Variants in RAP1A observed in about 807,000 individuals in gnomAD.
The protein encoded by RAP1A is ras-related protein Rap-1A.
A neutral mutation model predicts 26.4 loss-of-function variants in RAP1A; 6 were observed. The observed-to-expected ratio is 0.23, with a 90% CI of 0.12 to 0.45. RAP1A has a LOEUF of 0.45. Ranked by LOEUF, RAP1A falls within the 20% of genes least tolerant of loss-of-function variation. The pLI is 0.99. For synonymous variants in RAP1A, 73 were observed against 79.4 expected (o/e 0.92, Z 0.43); for missense variants, 121 against 217.2 (o/e 0.56, Z 2.78).
chr1:111,681,112 C>T (rs986633032), intron 1 of RAP1A, among the ~76,000 whole-genome samples: 1 of 152,050 alleles, frequency 6.6e-6, no homozygotes, highest in Non-Finnish European at 1.5e-5. Context: ...AGGTGTGGTG[C>T]ATTTATAATG....
chr1:111,681,580 C>A (rs1405541613), intron 1 of RAP1A, among the ~76,000 whole-genome samples: 1 of 151,972 alleles, frequency 6.6e-6, no homozygotes, highest in Non-Finnish European at 1.5e-5. Context: ...CTGAATTGAT[C>A]AAGTGGAAGA....
At chr1:111,643,590 G>A (rs1659961078) in intron 1 of RAP1A, among the ~76,000 whole-genome samples, 1 of 152,182 alleles carries the variant, frequency 6.6e-6, no homozygotes, top group South Asian at 2.1e-4. Flanking sequence ...TTGGTTGCAA[G>A]CAACAGAACC....
intron 1 of RAP1A, among the ~76,000 whole-genome samples, chr1:111,612,899 T>C (rs546787012): frequency 6.6e-6 from 1 of 152,296 alleles, no homozygotes; most frequent in South Asian, 2.1e-4. Context: ...AAGAGTATTG[T>C]CCATGCATTC....
At position 111,657,148 on chromosome 1, in the gene RAP1A, C is replaced by T. The variant is rs540882379; in HGVS notation, c.-27-34186C>T. ...CATCAAAGAACACATCAAGGTTGAG[C>T]GTCCAAAATCCATATCCATAATCCA... On this transcript the variant is annotated intron_variant, in intron 1 of 7. Transcript: ENST00000369709. Among the ~76,000 whole-genome samples the T allele has an allele frequency of 7.2e-5, 11 of 152,210 alleles. No homozygotes were observed. In the East Asian group the frequency reaches 7.7e-4, roughly 11 times the overall value.
chr1:111,618,514 A>T (rs1373514178), upstream of RAP1A, among the ~76,000 whole-genome samples: 1 of 152,188 alleles, frequency 6.6e-6, no homozygotes, highest in South Asian at 2.1e-4. Flanking sequence ...TCCCCATGTG[A>T]TCCTAACTAG....
chr1:111,676,219 G>A (rs1176521753), intron 1 of RAP1A, among the ~76,000 whole-genome samples: 1 of 152,148 alleles, frequency 6.6e-6, no homozygotes, highest in Non-Finnish European at 1.5e-5. Context: ...AGCCAGGCAT[G>A]GTGGTGGGCG....
chr1:111,573,370 C>T (rs904461224), intron 1 of RAP1A, among the ~76,000 whole-genome samples: 2 of 152,132 alleles, frequency 1.3e-5, no homozygotes, highest in Admixed American at 6.5e-5. Context: ...TATAAGGATT[C>T]CCTTTTCTGT....
chr1:111,691,697 A>G (rs1661676582), intron 2 of RAP1A, among the ~76,000 whole-genome samples: 2 of 152,218 alleles, frequency 1.3e-5, no homozygotes, highest in Admixed American at 1.3e-4. Context: ...TCTCTTTTTA[A>G]GGAATTTACA....
intron 1 of RAP1A, among the ~76,000 whole-genome samples, chr1:111,647,514 T>C (rs1448436986): frequency 6.6e-6 from 1 of 152,106 alleles, no homozygotes; most frequent in Non-Finnish European, 1.5e-5. Flanking sequence ...GCCAAAAAGG[T>C]TGGGGATCGC....
chr1:111,672,686 A>C (rs1006249114), intron 1 of RAP1A, among the ~76,000 whole-genome samples: 2 of 152,228 alleles, frequency 1.3e-5, no homozygotes, highest in African/African-American at 4.8e-5. Flanking sequence ...AACCTAGCTT[A>C]AGAATTCAGA....
intron 4 of RAP1A, among the ~76,000 whole-genome samples, chr1:111,699,043 G>T (rs929972019): frequency 1.3e-5 from 2 of 151,510 alleles, no homozygotes; most frequent in African/African-American, 4.9e-5. Context: ...TTTACTTTGT[G>T]CTATCCAATA....
chr1:111,556,122 G>A (rs748187844), intron 1 of RAP1A, among the ~76,000 whole-genome samples: 3 of 152,042 alleles, frequency 2.0e-5, no homozygotes, highest in Non-Finnish European at 4.4e-5. Context: ...TTCAGTAAAC[G>A]TTTCTCCAAA....
intron 1 of RAP1A, among the ~76,000 whole-genome samples, chr1:111,657,471 A>G (rs945517081): frequency 3.9e-5 from 6 of 152,106 alleles, no homozygotes; most frequent in South Asian, 2.1e-4. Flanking sequence ...CTGTAGTCCA[A>G]TTTATCTATT....
At chr1:111,688,931 C>T (rs1285572052) in intron 1 of RAP1A, among the ~76,000 whole-genome samples, 1 of 151,022 alleles carries the variant, frequency 6.6e-6, no homozygotes, top group South Asian at 2.1e-4. Context: ...GCCTTCCGAG[C>T]TCAAGGGGTT....
At chr1:111,545,435 C>A (rs1181053396) in intron 1 of RAP1A, among the ~76,000 whole-genome samples, 2 of 152,070 alleles carry the variant, frequency 1.3e-5, no homozygotes, top group Admixed American at 6.6e-5. Context: ...GCAGAAATAT[C>A]TGTTCGAGTC....
rs1659119747 is a variant in RAP1A at position 111,619,814 on chromosome 1, C to G, written c.-148C>G. ...GCCGCCGCTCCCGAGGCCCCTGCCG[C>G]CGCCGCTCCCGCTGCTGTCGCCGCG... On this transcript the variant is annotated 5_prime_UTR_variant, in exon 1 of 8. Coordinates refer to ENST00000369709, the MANE Select transcript of RAP1A (RefSeq NM_002884.4). 6 of 399,540 alleles carry G rather than the reference C, an allele frequency of 1.5e-5. No individual in the cohort carries two copies. In the East Asian group the frequency reaches 2.1e-4, roughly 14 times the overall value. 24.7% of individuals were successfully genotyped at this position (399,540 alleles called of 1,614,324 possible). A position where few individuals can be genotyped will look rare whatever the true frequency, so the allele number is the denominator to read the frequency against.
intron 1 of RAP1A, among the ~76,000 whole-genome samples, chr1:111,607,712 C>G (rs1206905808): frequency 2.1e-5 from 3 of 145,754 alleles, no homozygotes; most frequent in Non-Finnish European, 4.6e-5. Flanking sequence ...ACCTCCCTCC[C>G]GGACGGGGCG....
At chr1:111,581,279 A>C (rs768192002) in intron 1 of RAP1A, among the ~76,000 whole-genome samples, 2 of 152,156 alleles carry the variant, frequency 1.3e-5, no homozygotes, top group Non-Finnish European at 2.9e-5. Context: ...AGGAGCCAAT[A>C]GTGGCTAAAC....
rs751269659 is a variant in RAP1A, at chr1:111,697,510, T to C, written c.183+13T>C. 5 of 1,611,144 alleles carry C rather than the reference T, an allele frequency of 3.1e-6. No homozygotes were observed. The South Asian group carries it at 5.5e-5, about 18-fold the overall frequency. On this transcript the variant is annotated intron_variant, in intron 4 of 7. Transcript: ENST00000369709. ...TACTGCAGGGACAGTAAGGATGTTT[T>C]CTCTTTTTTTGATAGATTTTAATTT...
Sources: gnomAD v4.1 joint callset for allele counts (sites outside exome capture counted in the v4.1 genomes callset) on GRCh38, gnomAD v4.1.1 for gene constraint, MANE v1.5 for transcripts, NCBI Gene and HGNC (gene_info 2026-07-23, HGNC 2026-07-21) for gene names.